Variants in SEMA3A observed in about 807,000 individuals in gnomAD.
SEMA3A encodes semaphorin 3A, also known as semaphorin-3A.
In SEMA3A, 29 loss-of-function variants were observed where a neutral mutation model predicts 97.9. The observed-to-expected ratio is 0.30, with a 90% CI of 0.22 to 0.40. The LOEUF (loss-of-function observed/expected upper bound fraction) is 0.40, where lower values mean the gene tolerates loss of function less well. Ranked by LOEUF, SEMA3A falls within the 10% of genes least tolerant of loss-of-function variation. The probability of loss-of-function intolerance (pLI) is 1.00; values close to 1 mark genes in which losing one functional copy is unlikely to be tolerated. For synonymous variants in SEMA3A, 321 were observed against 323.7 expected (o/e 0.99, Z 0.09); for missense variants, 763 against 951.3 (o/e 0.80, Z 2.60).
chr7:84,291,895 C>A (rs1428890225), intron 3 of SEMA3A, among the ~76,000 whole-genome samples: 4 of 152,074 alleles, frequency 2.6e-5, no homozygotes, highest in African/African-American at 9.7e-5. Flanking sequence ...AAATATCAAG[C>A]AAAACCCAGC....
At chr7:84,265,843 G>T (rs1799983528) in intron 3 of SEMA3A, among the ~76,000 whole-genome samples, 1 of 151,886 alleles carries the variant, frequency 6.6e-6, no homozygotes, top group Admixed American at 6.6e-5. Flanking sequence ...GCCAAACTAT[G>T]GGTGAAAGCA....
At chr7:83,980,623 A>AAAATATATAT (rs1310318006) in intron 14 of SEMA3A, among the ~76,000 whole-genome samples, 6 of 71,754 alleles carry the variant, frequency 8.4e-5, no homozygotes, top group African/African-American at 1.7e-4. Flanking sequence ...AAAAAAAAAA[A>AAAATATATAT]ATATATATAT....
intron 2 of SEMA3A, among the ~76,000 whole-genome samples, chr7:84,352,401 C>T (rs1405353941): frequency 6.6e-6 from 1 of 151,722 alleles, no homozygotes; most frequent in African/African-American, 2.4e-5. Context: ...GTTCATATCA[C>T]AAAGAAAGGA....
chr7:84,016,848 T>A (rs1791124856), intron 6 of SEMA3A, among the ~76,000 whole-genome samples: 1 of 152,206 alleles, frequency 6.6e-6, no homozygotes. Flanking sequence ...ATGGTAAGTT[T>A]GAGGATATTA....
intron 1 of SEMA3A, among the ~76,000 whole-genome samples, chr7:84,447,646 A>G (rs1805453422): frequency 6.6e-6 from 1 of 152,206 alleles, no homozygotes; most frequent in Non-Finnish European, 1.5e-5. Flanking sequence ...GGGTCTCCTA[A>G]GAGCTGTTCT....
intron 3 of SEMA3A, among the ~76,000 whole-genome samples, chr7:84,251,315 G>C (rs1391032090): frequency 6.6e-6 from 1 of 152,114 alleles, no homozygotes; most frequent in Non-Finnish European, 1.5e-5. Flanking sequence ...AGAGCAGCTG[G>C]GCTGGAATTT....
chr7:83,963,724 T>C (rs1234873426), intron 15 of SEMA3A, among the ~76,000 whole-genome samples: 3 of 152,204 alleles, frequency 2.0e-5, no homozygotes, highest in Non-Finnish European at 4.4e-5. Context: ...TGTATTATAT[T>C]ATTCTGTAAC....
rs566549154 is a variant in SEMA3A, at chr7:84,063,176, C to T, written c.454-2618G>A. ...AGGGGCACACTGACACCTCACATGGCAGGGTATTCCAACAGACCTGCAGCT... is the reference window on the plus strand; with the variant it reads ...AGGGGCACACTGACACCTCACATGGTAGGGTATTCCAACAGACCTGCAGCT... On this transcript the variant is annotated intron_variant, in intron 4 of 16. Transcript: ENST00000265362. 1.9e-3 allele frequency among the ~76,000 whole-genome samples: 287 copies of T among 151,890 alleles called. 1 individual carries two copies. The highest frequency in any genetic ancestry group is 6.6e-3 in the African/African-American group (275 of 41,490).
intron 2 of SEMA3A, among the ~76,000 whole-genome samples, chr7:84,319,271 G>GT (rs1441949784): frequency 3.3e-5 from 5 of 152,166 alleles, no homozygotes; most frequent in Non-Finnish European, 7.4e-5. Flanking sequence ...ATATTTAGAG[G>GT]GAAAAGGAAA....
rs1172499611 is a variant in SEMA3A, at chr7:83,960,012, T to C, written c.*1359A>G. 2 of 152,098 alleles carry C rather than the reference T, an allele frequency of 1.3e-5. No individual in the cohort carries two copies. Among genetic ancestry groups the C allele is most frequent in the African/African-American group, 4.8e-5 (2 of 41,460 alleles). 9.4% of individuals were successfully genotyped at this position (152,098 alleles called of 1,614,324 possible). A position where few individuals can be genotyped will look rare whatever the true frequency, so the allele number is the denominator to read the frequency against. ...TTTGTAGAAAAGTCCCTCCCATTGATATGAAAAGAGTCATGTGTTTCTTGT... is the reference window on the plus strand; with the variant it reads ...TTTGTAGAAAAGTCCCTCCCATTGACATGAAAAGAGTCATGTGTTTCTTGT... On this transcript the variant is annotated 3_prime_UTR_variant, in exon 17 of 17. Coordinates refer to ENST00000265362, the MANE Select transcript of SEMA3A (RefSeq NM_006080.3).
At chr7:84,279,842 T>C (rs1051459789) in intron 3 of SEMA3A, among the ~76,000 whole-genome samples, 1 of 152,174 alleles carries the variant, frequency 6.6e-6, no homozygotes, top group Non-Finnish European at 1.5e-5. Context: ...TGGTCTCCAT[T>C]GTTACATTTT....
chr7:84,141,094 G>A (rs1326053646), intron 1 of SEMA3A, among the ~76,000 whole-genome samples: 1 of 152,146 alleles, frequency 6.6e-6, no homozygotes, highest in African/African-American at 2.4e-5. Context: ...GTAACTGTGT[G>A]GAGGATGAAT....
rs969251781 is a variant in SEMA3A at position 84,404,781 on chromosome 7, A to G, written c.-245-32881T>C. 1.5e-3 allele frequency among the ~76,000 whole-genome samples: 235 copies of G among 152,276 alleles called. 1 individual carries two copies. Among genetic ancestry groups the G allele is most frequent in the Admixed American group, 4.3e-3 (66 of 15,286 alleles). The stretch of plus-strand genomic sequence containing the variant: ...AAGAATTTTCAACCCAGAATTTCAT[A>G]TCCAGCCAAACTAAGCTTCATAAGT... On this transcript the variant is annotated intron_variant, in intron 1 of 3. Transcript: ENST00000424555.
chr7:84,429,550 CGAGA>C (rs202072224), intron 1 of SEMA3A, among the ~76,000 whole-genome samples: 231 of 58,552 alleles, frequency 3.9e-3, no homozygotes, highest in African/African-American at 0.018. Context: ...ATATATATAG[CGAGA>C]GAGAGAGAGA....
intron 1 of SEMA3A, among the ~76,000 whole-genome samples, chr7:84,402,256 A>T (rs764652472): frequency 6.6e-6 from 1 of 152,204 alleles, no homozygotes; most frequent in Non-Finnish European, 1.5e-5. Flanking sequence ...AATGCTCAAC[A>T]TCATTCATAC....
intron 1 of SEMA3A, among the ~76,000 whole-genome samples, chr7:84,155,344 G>A (rs982948187): frequency 2.0e-5 from 3 of 152,058 alleles, no homozygotes; most frequent in Non-Finnish European, 4.4e-5. Flanking sequence ...AACTCTCTGG[G>A]AGAGTTGTCG....
Position 84,065,081 on chromosome 7 carries a change from A to G in SEMA3A, c.454-4523T>C, listed in dbSNP as rs1169474940. Among the ~76,000 whole-genome samples the G allele has an allele frequency of 3.6e-4, 53 of 146,334 alleles. 1 individual carries two copies. In the East Asian group the frequency reaches 4.4e-3, roughly 12 times the overall value. On this transcript the variant is annotated intron_variant, in intron 4 of 16. Transcript: ENST00000265362. Reference sequence around the variant, plus strand: ...TATAACAAACTATCTCTCAGACCACAGTGCAATCAAACTAGAACTCAGGAT... The same window carrying G: ...TATAACAAACTATCTCTCAGACCACGGTGCAATCAAACTAGAACTCAGGAT...
chr7:84,396,675 C>A (rs548538794), intron 1 of SEMA3A, among the ~76,000 whole-genome samples: 1 of 152,076 alleles, frequency 6.6e-6, no homozygotes, highest in East Asian at 1.9e-4. Flanking sequence ...ATTGAACAAA[C>A]CTCCAAAGAT....
intron 2 of SEMA3A, among the ~76,000 whole-genome samples, chr7:84,333,595 A>C (rs553202737): frequency 6.6e-6 from 1 of 152,306 alleles, no homozygotes; most frequent in Non-Finnish European, 1.5e-5. Flanking sequence ...TCCAAAGAAA[A>C]ATTGAAATGC....
Sources: gnomAD v4.1 joint callset for allele counts (sites outside exome capture counted in the v4.1 genomes callset) on GRCh38, gnomAD v4.1.1 for gene constraint, MANE v1.5 for transcripts, NCBI Gene and HGNC (gene_info 2026-07-23, HGNC 2026-07-21) for gene names.